The following PLXND1 variants were observed in gnomAD, a reference collection of about 807,000 sequenced individuals.
PLXND1 encodes plexin D1.
In PLXND1, 54 loss-of-function variants were observed where a neutral mutation model predicts 197.7. The observed-to-expected ratio is 0.27, with a 90% CI of 0.22 to 0.34. The LOEUF (loss-of-function observed/expected upper bound fraction) is 0.34, where lower values mean the gene tolerates loss of function less well. Among genes scored for constraint, PLXND1 ranks in the 10% least tolerant of loss-of-function variants. PLXND1 has a pLI of 1.00. For missense variants in PLXND1, 2,127 were observed against 2,699.2 expected, an observed-to-expected ratio of 0.79 and a Z score of 4.70; for synonymous variants, 1,180 against 1,161.2, an observed-to-expected ratio of 1.02 and a Z score of -0.33.
chr3:129,558,380 C>G lies in PLXND1; in HGVS notation c.5445+48G>C, dbSNP rs767685879. On this transcript the variant is annotated intron_variant, in intron 33 of 35. Transcript: ENST00000324093. The surrounding 1 kb of genome is among the most constrained non-coding windows in gnomAD (Gnocchi z 4.1). The stretch of plus-strand genomic sequence containing the variant: ...AGGAGGCTACCCATGGTCGGCACCC[C>G]ACTCTGGCCCTGTGCATGGGCCTGG... The G allele has an allele frequency of 5.7e-6, 9 of 1,572,804 alleles. No homozygotes were observed. Among genetic ancestry groups the G allele is most frequent in the East Asian group, 4.5e-5 (2 of 44,316 alleles).
intron 12 of PLXND1, 101 bp from the exon 13 acceptor site, chr3:129,573,846 AC>A: frequency 1.5e-6 from 2 of 1,311,330 alleles, no homozygotes; most frequent in Non-Finnish European, 1.0e-6. Flanking sequence ...AGCCGTGCAG[AC>A]CCACTGCTTA....
At chr3:129,584,816 T>C (rs1209137742) in intron 5 of PLXND1, among the ~76,000 whole-genome samples, 1 of 152,208 alleles carries the variant, frequency 6.6e-6, no homozygotes, top group East Asian at 1.9e-4. Context: ...CTGTGACCTC[T>C]GACCCCATCC....
At chr3:129,585,076 C>T (rs1302292550) in intron 5 of PLXND1, among the ~76,000 whole-genome samples, 1 of 152,200 alleles carries the variant, frequency 6.6e-6, no homozygotes, top group African/African-American at 2.4e-5. Flanking sequence ...AGCCTGGGGC[C>T]AGGGGTCTGT....
intron 8 of PLXND1, 53 bp from the exon 9 acceptor site, chr3:129,578,486 C>T: frequency 8.9e-7 from 1 of 1,123,842 alleles, no homozygotes; most frequent in Non-Finnish European, 1.3e-6. Flanking sequence ...AGAGAAGAGG[C>T]AGGAGGACTC....
chr3:129,569,713 C>A, intron 20 of PLXND1, 130 bp downstream of exon 20: 1 of 648,098 alleles, frequency 1.5e-6, no homozygotes. Context: ...CTAACCTGTT[C>A]CCATGGCCAA....
At position 129,556,338 on chromosome 3, in the gene PLXND1, T is replaced by A. The variant is rs754511395; in HGVS notation, c.5752A>T (p.Ile1918Phe). The A allele has an allele frequency of 6.2e-7, 1 of 1,613,174 alleles. No individual in the cohort carries two copies. The highest frequency in any genetic ancestry group is 2.2e-5 in the East Asian group (1 of 44,872). The change falls in exon 36 of 36, where the codon ATC (isoleucine) becomes TTC (phenylalanine). Residue 1918 changes from isoleucine to phenylalanine, a missense_variant. This residue lies in a region of PLXND1 where 200 missense variants were observed against 303.3 expected (regional missense o/e 0.66). Coordinates refer to ENST00000324093, the MANE Select transcript of PLXND1 (RefSeq NM_015103.3). ...EQVVALMEDN[I>F]YECYSEA Reference sequence around the variant, plus strand: ...CAGGCCTCACTGTAGCACTCGTAGATGTTGTCCTCCATCAAAGCCACCACC... The same window carrying A: ...CAGGCCTCACTGTAGCACTCGTAGAAGTTGTCCTCCATCAAAGCCACCACC...
At position 129,556,315 on chromosome 3, in the gene PLXND1, G is replaced by T; in HGVS notation, c.5775C>A (p.Ala1925=). 6.2e-7 allele frequency: 1 copy of T among 1,601,160 alleles called. No homozygotes were observed. The highest frequency in any genetic ancestry group is 8.6e-7 in the Non-Finnish European group (1 of 1,168,152). Residue 1925 remains alanine (A), a synonymous_variant, in exon 36 of 36, where the codon GCC becomes GCA. Transcript: ENST00000324093. The part of the protein sequence containing the change: ...EDNIYECYSE[A] ...CCTGACCAACTCTCCATGTGTCTCA[G>T]GCCTCACTGTAGCACTCGTAGATGT...
Position 129,575,870 on chromosome 3 carries a change from G to A in PLXND1, c.2347-15C>T, listed in dbSNP as rs771195632. 1 of 1,563,826 alleles carries A rather than the reference G, an allele frequency of 6.4e-7. No individual in the cohort carries two copies. The highest frequency in any genetic ancestry group is 8.8e-7 in the Non-Finnish European group (1 of 1,135,704). ...AGGGCTGCACCCTGTGGGAAACAGG[G>A]AGTGGGAGGCGGGTTTGAGGAGAAC... On this transcript the variant is annotated splice_polypyrimidine_tract_variant and intron_variant, in intron 9 of 35. Coordinates refer to ENST00000324093, the MANE Select transcript of PLXND1 (RefSeq NM_015103.3).
In PLXND1 at chr3:129,574,502, C is replaced by A. The variant is rs564537028; in HGVS notation, c.2531-12G>T. The A allele has an allele frequency of 5.0e-6, 8 of 1,609,774 alleles. No homozygotes were observed. In the East Asian group the frequency reaches 1.6e-4, roughly 31 times the overall value. ...GTTATAGACCATGACTGGGGAGACA[C>A]GGGGCAGCTCGGTCAGCCCCGCTCT... is the stretch of plus-strand genomic sequence containing the variant. On this transcript the variant is annotated splice_polypyrimidine_tract_variant and intron_variant, in intron 11 of 35. Transcript: ENST00000324093.
chr3:129,606,490 C>T lies in PLXND1; in HGVS notation c.150G>A (p.Gln50=), dbSNP rs1352513765. 2 of 1,422,058 alleles carry T rather than the reference C, an allele frequency of 1.4e-6. No homozygotes were observed. The highest frequency in any genetic ancestry group is 1.5e-5 in the African/African-American group (1 of 66,870). 88.1% of individuals were successfully genotyped at this position (1,422,058 alleles called of 1,614,324 possible). A position where few individuals can be genotyped will look rare whatever the true frequency, so the allele number is the denominator to read the frequency against. The change falls in exon 1 of 36, where the codon CAG becomes CAA. Residue 50 remains glutamine (Q), a synonymous_variant. Transcript: ENST00000324093. The part of the protein sequence containing the change: ...GAARAGALEI[Q]RRFPSPTPTN... ...TGGGCGTGGGCGAGGGGAACCGACG[C>T]TGGATCTCCAGGGCGCCGGCCCGCG...
intron 8 of PLXND1, among the ~76,000 whole-genome samples, chr3:129,580,779 T>C (rs530937926): frequency 1.3e-5 from 2 of 151,856 alleles, no homozygotes; most frequent in East Asian, 1.9e-4. Flanking sequence ...ATCAAGGCAC[T>C]CAACAACCCA....
Position 129,565,590 on chromosome 3 carries a change from G to A in PLXND1, c.4323-52C>T, listed in dbSNP as rs1341710089. On this transcript the variant is annotated intron_variant, in intron 24 of 35. Transcript: ENST00000324093. ...GCACCTTGAGGCCCTAGGAGCTGTG[G>A]GTCCCAGGGTCTCAGTGCCGCCTCA... 14 of 1,492,028 alleles carry A rather than the reference G, an allele frequency of 9.4e-6. No homozygotes were observed. In the Admixed American group the frequency reaches 1.6e-4, roughly 17 times the overall value. The allele number at this position is 1,492,028 out of a possible 1,614,324, so 92.4% of individuals were successfully genotyped here.
Position 129,565,936 on chromosome 3 carries a change from C to T in PLXND1, c.4273G>A (p.Val1425Ile), listed in dbSNP as rs765672196. The change falls in exon 24 of 36, where the codon GTC becomes ATC. Residue 1425 changes from valine (V) to isoleucine (I), a missense_variant. Val to Ile is a conservative substitution (Grantham distance 29). This residue lies in a region of PLXND1 where 532 missense variants were observed against 811.0 expected (regional missense o/e 0.66). Coordinates refer to ENST00000324093, the MANE Select transcript of PLXND1 (RefSeq NM_015103.3). Reference sequence around the variant, plus strand: ...TGCTGCTCCAGCGCGTGGACAAAGACGATGAGGAAGTGCTTGTTGTTGAGT... The same window carrying T: ...TGCTGCTCCAGCGCGTGGACAAAGATGATGAGGAAGTGCTTGTTGTTGAGT... ...SLLNNKHFLIVFVHALEQQKD... is the reference protein window; with the variant it reads ...SLLNNKHFLIIFVHALEQQKD... 6.2e-6 allele frequency: 10 copies of T among 1,614,092 alleles called. No homozygotes were observed. The highest frequency in any genetic ancestry group is 2.2e-5 in the East Asian group (1 of 44,898).
At chr3:129,571,341 G>C (rs1209300378) in intron 17 of PLXND1, 38 bp from the exon 18 acceptor site, 2 of 1,596,856 alleles carry the variant, frequency 1.3e-6, no homozygotes, top group South Asian at 1.1e-5. Flanking sequence ...CCGGGATGCA[G>C]GATGGACAGA....
At position 129,558,289 on chromosome 3, in the gene PLXND1, C is replaced by G; in HGVS notation, c.5445+139G>C. On this transcript the variant is annotated intron_variant, in intron 33 of 35. Transcript: ENST00000324093. The surrounding 1 kb of genome is among the most constrained non-coding windows in gnomAD (Gnocchi z 4.1). ...TCTGAATGAGTCACTCATCCCACATCCCCTAGACCTGAGATCTTTTGGTTC... is the reference window on the plus strand; with the variant it reads ...TCTGAATGAGTCACTCATCCCACATGCCCTAGACCTGAGATCTTTTGGTTC... 1 of 769,554 alleles carries G rather than the reference C, an allele frequency of 1.3e-6. No homozygotes were observed. Among genetic ancestry groups the G allele is most frequent in the South Asian group, 1.8e-5 (1 of 56,590 alleles). 47.7% of individuals were successfully genotyped at this position (769,554 alleles called of 1,614,324 possible). A position where few individuals can be genotyped will look rare whatever the true frequency, so the allele number is the denominator to read the frequency against.
chr3:129,570,731 A>G, intron 19 of PLXND1, 55 bp downstream of exon 19: 1 of 1,569,600 alleles, frequency 6.4e-7, no homozygotes, highest in Non-Finnish European at 8.8e-7. Flanking sequence ...GATGCTTGGC[A>G]GATGGGCCAG....
chr3:129,598,555 G>C (rs2085661175), intron 1 of PLXND1, among the ~76,000 whole-genome samples: 1 of 152,154 alleles, frequency 6.6e-6, no homozygotes, highest in Non-Finnish European at 1.5e-5. Context: ...ACACCAGGGG[G>C]TCATCCTAAC....
chr3:129,604,175 CT>C (rs2085750782), intron 1 of PLXND1, among the ~76,000 whole-genome samples: 1 of 152,148 alleles, frequency 6.6e-6, no homozygotes, highest in African/African-American at 2.4e-5. Flanking sequence ...GGCCCCATGC[CT>C]GCCTGTACTC....
chr3:129,586,488 G>A (rs1419991276), intron 3 of PLXND1, 100 bp downstream of exon 3: 1 of 1,386,696 alleles, frequency 7.2e-7, no homozygotes, highest in Non-Finnish European at 1.0e-6. Flanking sequence ...AGATGGAGGA[G>A]GAGGGTGCTC....
Sources: gnomAD v4.1 joint callset for allele counts (sites outside exome capture counted in the v4.1 genomes callset) on GRCh38, gnomAD v4.1.1 for gene constraint, gnomAD v4.1.1 regional missense constraint, Gnocchi (gnomAD v3.1) non-coding constraint, MANE v1.5 for transcripts, NCBI Gene and HGNC (gene_info 2026-07-23, HGNC 2026-07-21) for gene names.